The following SCAPER variants were observed in gnomAD, a reference collection of about 807,000 sequenced individuals.
SCAPER encodes S phase cyclin A-associated protein in the endoplasmic reticulum.
In SCAPER, 98 loss-of-function variants were observed where a neutral mutation model predicts 182.2. The ratio of observed to expected loss-of-function variants is 0.54; its 90% CI spans 0.46 to 0.64. The LOEUF (loss-of-function observed/expected upper bound fraction) is 0.64. SCAPER is among the 30% of genes least tolerant of loss of function. SCAPER has a pLI of 0.00. For missense variants in SCAPER, 1,432 were observed against 1,690.0 expected, an observed-to-expected ratio of 0.85 and a Z score of 2.68; for synonymous variants, 605 against 564.6, an observed-to-expected ratio of 1.07 and a Z score of -1.01.
intron 9 of SCAPER, 97 bp downstream of exon 9, chr15:76,774,754 ACAGT>A (rs2063649664): frequency 7.7e-6 from 10 of 1,305,160 alleles, no homozygotes; most frequent in African/African-American, 1.5e-5. Flanking sequence ...GAAAATTTTC[ACAGT>A]AAGTTAAAAA....
At chr15:76,887,911 C>A (rs1355337240) in intron 1 of SCAPER, among the ~76,000 whole-genome samples, 3 of 152,204 alleles carry the variant, frequency 2.0e-5, no homozygotes, top group African/African-American at 7.2e-5. Context: ...GAGGGGCCAA[C>A]AGACACCTCA....
intron 23 of SCAPER, among the ~76,000 whole-genome samples, chr15:76,559,885 C>A (rs1449422834): frequency 6.6e-6 from 1 of 151,910 alleles, no homozygotes; most frequent in Non-Finnish European, 1.5e-5. Flanking sequence ...GCCCCTAAAA[C>A]TAAAAGTTAA....
chr15:76,501,807 A>G (rs532461399), intron 24 of SCAPER, among the ~76,000 whole-genome samples: 1 of 152,262 alleles, frequency 6.6e-6, no homozygotes, highest in African/African-American at 2.4e-5. Flanking sequence ...GTGCCCAGGG[A>G]CTATGGAAAG....
intron 15 of SCAPER, among the ~76,000 whole-genome samples, chr15:76,745,122 C>T (rs375905943): frequency 1.4e-4 from 21 of 152,110 alleles, no homozygotes; most frequent in African/African-American, 4.8e-4. Context: ...ACAATAGATA[C>T]TGCAGACTAC....
chr15:76,520,039 TC>T (rs1379335921), intron 23 of SCAPER, among the ~76,000 whole-genome samples: 7 of 152,202 alleles, frequency 4.6e-5, no homozygotes, highest in Non-Finnish European at 8.8e-5. Context: ...TAGCTAAGAA[TC>T]TAACTACTCA....
At chr15:76,511,235 C>T (rs1597115489) in intron 23 of SCAPER, among the ~76,000 whole-genome samples, 1 of 151,954 alleles carries the variant, frequency 6.6e-6, no homozygotes, top group Admixed American at 6.5e-5. Flanking sequence ...ATCACCTGTT[C>T]CCCAAAAACC....
intron 27 of SCAPER, among the ~76,000 whole-genome samples, chr15:76,384,861 T>A (rs1199981119): frequency 6.6e-6 from 1 of 152,246 alleles, no homozygotes; most frequent in Non-Finnish European, 1.5e-5. Flanking sequence ...TGGTCTTAAC[T>A]GTCAGTTATA....
chr15:76,792,132 T>C (rs1396301469), intron 8 of SCAPER, among the ~76,000 whole-genome samples: 1 of 151,472 alleles, frequency 6.6e-6, no homozygotes, highest in African/African-American at 2.4e-5. Flanking sequence ...GTCAAATAAT[T>C]GTAAAACTCC....
chr15:76,353,318 A>G (rs1368030715), intron 30 of SCAPER, among the ~76,000 whole-genome samples: 1 of 152,238 alleles, frequency 6.6e-6, no homozygotes, highest in Non-Finnish European at 1.5e-5. Flanking sequence ...ATAATGACAA[A>G]AAGAAATTCA....
intron 8 of SCAPER, among the ~76,000 whole-genome samples, chr15:76,786,475 A>G (rs1411312889): frequency 6.6e-6 from 1 of 152,180 alleles, no homozygotes; most frequent in Non-Finnish European, 1.5e-5. Context: ...TTAAATCATA[A>G]TAGATGGTAA....
At chr15:76,447,990 G>T (rs1264393300) in intron 25 of SCAPER, among the ~76,000 whole-genome samples, 1 of 152,148 alleles carries the variant, frequency 6.6e-6, no homozygotes, top group Admixed American at 6.6e-5. Context: ...GGTGATGTTG[G>T]GTAGTGAAGA....
intron 22 of SCAPER, among the ~76,000 whole-genome samples, chr15:76,603,100 A>G (rs1353139689): frequency 8.6e-6 from 1 of 116,726 alleles, no homozygotes; most frequent in South Asian, 2.7e-4. Flanking sequence ...TTAGTTACAT[A>G]TGTATACATG....
rs529322492 is a variant in SCAPER, at chr15:76,482,191, A to G, written c.2955-10856T>C. On this transcript the variant is annotated intron_variant, in intron 24 of 31. Transcript: ENST00000563290. ...ATTCAAATTCTATTATTTTGTTTCA[A>G]TTTGTTAGATGAAATAATTTATAAG... Among the ~76,000 whole-genome samples, 40 of 152,280 alleles carry G rather than the reference A, an allele frequency of 2.6e-4. No individual in the cohort carries two copies. The East Asian group carries it at 7.1e-3, about 27-fold the overall frequency.
At chr15:76,727,103 T>C (rs974527814) in intron 17 of SCAPER, among the ~76,000 whole-genome samples, 28 of 152,110 alleles carry the variant, frequency 1.8e-4, no homozygotes, top group African/African-American at 5.8e-4. Context: ...TGAAAGGATA[T>C]AAAGATGTTC....
intron 2 of SCAPER, among the ~76,000 whole-genome samples, chr15:76,873,786 C>G (rs974355013): frequency 1.3e-5 from 2 of 152,146 alleles, no homozygotes; most frequent in Non-Finnish European, 2.9e-5. Flanking sequence ...TGTCAATATC[C>G]TTAGTCATAA....
chr15:76,661,480 C>T (rs1376230370), intron 21 of SCAPER, among the ~76,000 whole-genome samples: 2 of 151,948 alleles, frequency 1.3e-5, no homozygotes, highest in African/African-American at 2.4e-5. Context: ...AACAAATTTA[C>T]AAGAAAATAA....
Position 76,603,812 on chromosome 15 carries a change from G to A in SCAPER, c.2711+17952C>T, listed in dbSNP as rs1272117967. Among the ~76,000 whole-genome samples, 3 of 121,854 alleles carry A rather than the reference G, an allele frequency of 2.5e-5. 1 individual carries two copies. The highest frequency in any genetic ancestry group is 6.0e-5 in the Non-Finnish European group (3 of 50,112). The allele number at this position is 121,854 out of a possible 152,430, so 79.9% of individuals were successfully genotyped here. On this transcript the variant is annotated intron_variant, in intron 22 of 31. Coordinates refer to ENST00000563290, the MANE Select transcript of SCAPER (RefSeq NM_020843.4). ...ATGAGCATTTTTTCATGTGTCTGTT[G>A]GCTGCATAAATGTCTTCTTTTGAGA...
intron 7 of SCAPER, among the ~76,000 whole-genome samples, 186 bp from the exon 8 acceptor site, chr15:76,795,626 T>C (rs1023179869): frequency 3.9e-5 from 6 of 152,224 alleles, no homozygotes; most frequent in Non-Finnish European, 2.9e-5. Context: ...TCATTAAGTT[T>C]ATATAGTATA....
At chr15:76,712,535 G>T (rs2059646612) in intron 17 of SCAPER, among the ~76,000 whole-genome samples, 1 of 152,142 alleles carries the variant, frequency 6.6e-6, no homozygotes, top group South Asian at 2.1e-4. Context: ...GGGCAGTATG[G>T]CCATTTTCAC....
Sources: allele counts gnomAD v4.1 joint callset (sites outside exome capture counted in the v4.1 genomes callset), GRCh38; gene constraint gnomAD v4.1.1; transcripts MANE v1.5; gene names NCBI Gene and HGNC (gene_info 2026-07-23, HGNC 2026-07-21).